FLVCR2: variants seen among roughly 807,000 people sequenced by gnomAD.
The protein encoded by FLVCR2 is choline/ethanolamine transporter FLVCR2.
A neutral mutation model predicts 48.9 loss-of-function variants in FLVCR2; 38 were observed. The ratio of observed to expected loss-of-function variants is 0.78; its 90% confidence interval spans 0.60 to 1.02. The LOEUF (loss-of-function observed/expected upper bound fraction) is 1.02, where lower values mean the gene tolerates loss of function less well. FLVCR2 is among the 50% of genes least tolerant of loss of function. The probability of loss-of-function intolerance (pLI) is 0.00; values close to 1 mark genes in which losing one functional copy is unlikely to be tolerated. For missense variants in FLVCR2, 664 were observed against 663.3 expected (o/e 1.00, Z -0.01); for synonymous variants, 255 against 257.0 (o/e 0.99, Z 0.07).
In FLVCR2 at chr14:75,579,161, C is replaced by T. The variant is rs755123639; in HGVS notation, c.189C>T (p.Gly63=). ...AHPSALAQPS[G]LAHPSSSGPE... is the part of the protein sequence containing the mutation. The stretch of plus-strand genomic sequence containing the variant: ...CCAGTGCCTTAGCCCAACCCAGTGG[C>T]TTGGCTCACCCCAGTAGCTCGGGCC... Residue 63 remains glycine (G), a synonymous_variant, in exon 1 of 10, where the codon GGC becomes GGT. Coordinates refer to ENST00000238667, the MANE Select transcript of FLVCR2 (RefSeq NM_017791.3). 5 of 1,614,072 alleles carry T rather than the reference C, an allele frequency of 3.1e-6. No homozygotes were observed. The highest frequency in any genetic ancestry group is 4.5e-5 in the East Asian group (2 of 44,744).
chr14:75,621,206 G>A (rs1889755930), intron 1 of FLVCR2, among the ~76,000 whole-genome samples: 1 of 152,112 alleles, frequency 6.6e-6, no homozygotes, highest in African/African-American at 2.4e-5. Context: ...GAGGTCAAGA[G>A]ATGGAGACCA....
At chr14:75,580,873 G>A (rs1451676477) in intron 1 of FLVCR2, among the ~76,000 whole-genome samples, 1 of 152,186 alleles carries the variant, frequency 6.6e-6, no homozygotes, top group African/African-American at 2.4e-5. Context: ...TGGATTGCCT[G>A]AAGCATGCAG....
intron 1 of FLVCR2, among the ~76,000 whole-genome samples, chr14:75,611,748 A>G (rs921186893): frequency 3.9e-5 from 6 of 152,048 alleles, no homozygotes; most frequent in Admixed American, 6.6e-5. Context: ...AAACAAACAA[A>G]CAAACAAACA....
At chr14:75,645,181 A>G (rs897719412) in intron 9 of FLVCR2, among the ~76,000 whole-genome samples, 1 of 152,050 alleles carries the variant, frequency 6.6e-6, no homozygotes, top group East Asian at 1.9e-4. Flanking sequence ...AGCAAGATTG[A>G]GAATGGGAAG....
intron 6 of FLVCR2, chr14:75,640,648 C>T (rs1227398645): frequency 4.7e-6 from 2 of 421,488 alleles, no homozygotes; most frequent in African/African-American, 4.1e-5. Context: ...GAAGGTTGAA[C>T]ACACCAGGCA....
chr14:75,598,524 C>T lies in FLVCR2; in HGVS notation c.669+18883C>T, dbSNP rs576005136. ...ACAGAGTCTTGCTCTGTTGCTCAGGCTGGAATGCAGTGGCACAGTCTCAGC... is the reference window on the plus strand; with the variant it reads ...ACAGAGTCTTGCTCTGTTGCTCAGGTTGGAATGCAGTGGCACAGTCTCAGC... On this transcript the variant is annotated intron_variant, in intron 1 of 9. Coordinates refer to ENST00000238667, the MANE Select transcript of FLVCR2 (RefSeq NM_017791.3). Among the ~76,000 whole-genome samples the T allele has an allele frequency of 5.9e-5, 9 of 152,294 alleles. No homozygotes were observed. In the South Asian group the frequency reaches 1.9e-3, roughly 32 times the overall value.
At chr14:75,593,462 C>T (rs774279349) in intron 1 of FLVCR2, among the ~76,000 whole-genome samples, 35 of 152,198 alleles carry the variant, frequency 2.3e-4, no homozygotes, top group Non-Finnish European at 4.0e-4. Flanking sequence ...TGCAAAGAGG[C>T]AAACCCAAGG....
In FLVCR2 at chr14:75,646,766, T is replaced by G. The variant is rs1890431106; in HGVS notation, c.*294T>G. The G allele has an allele frequency of 2.4e-6, 1 of 424,046 alleles. No individual in the cohort carries two copies. The highest frequency in any genetic ancestry group is 4.5e-6 in the Non-Finnish European group (1 of 224,526). 26.3% of individuals were successfully genotyped at this position (424,046 alleles called of 1,614,324 possible). On this transcript the variant is annotated 3_prime_UTR_variant, in exon 10 of 10. Transcript: ENST00000238667. ...AGAGAATATTGGAGTCAATCCTAGC[T>G]TGGTCTCTTGCCTTCCCTCTTTTCC...
intron 1 of FLVCR2, among the ~76,000 whole-genome samples, chr14:75,609,779 C>T (rs896306389): frequency 5.1e-4 from 77 of 152,144 alleles, no homozygotes; most frequent in Admixed American, 3.3e-4. Context: ...AAACATTGGT[C>T]GTCACGTGAG....
At chr14:75,633,050 C>G (rs1043644170) in intron 3 of FLVCR2, 9 of 682,540 alleles carry the variant, frequency 1.3e-5, no homozygotes, top group Non-Finnish European at 2.1e-5. Context: ...CTAGGTGCTC[C>G]TTTGGTGAAT....
chr14:75,602,350 C>G (rs1594797282), intron 1 of FLVCR2, among the ~76,000 whole-genome samples: 1 of 152,096 alleles, frequency 6.6e-6, no homozygotes, highest in Non-Finnish European at 1.5e-5. Context: ...CCTATGTTGC[C>G]TCATTAGCAT....
Position 75,578,996 on chromosome 14 carries a change from G to A in FLVCR2, c.24G>A (p.Gln8=). The A allele has an allele frequency of 6.2e-7, 1 of 1,614,136 alleles. No homozygotes were observed. Among genetic ancestry groups the A allele is most frequent in the Non-Finnish European group, 8.5e-7 (1 of 1,179,992 alleles). The part of the protein sequence containing the change: MVNEGPN[Q]EESDDTPVPE... The stretch of plus-strand genomic sequence containing the variant: ...CGATGGTGAATGAAGGTCCCAACCA[G>A]GAAGAGAGCGATGACACCCCTGTGC... Residue 8 remains glutamine, a synonymous_variant, in exon 1 of 10, where the codon CAG becomes CAA. Coordinates refer to ENST00000238667, the MANE Select transcript of FLVCR2 (RefSeq NM_017791.3).
intron 1 of FLVCR2, chr14:75,605,476 A>T (rs894618049): frequency 6.6e-7 from 1 of 1,516,852 alleles, no homozygotes; most frequent in African/African-American, 1.4e-5. Context: ...CTGCTTTCTG[A>T]CTTGATTACA....
At chr14:75,610,122 C>A (rs1194901413) in intron 1 of FLVCR2, among the ~76,000 whole-genome samples, 1 of 152,160 alleles carries the variant, frequency 6.6e-6, no homozygotes, top group African/African-American at 2.4e-5. Context: ...GAAAGACACC[C>A]ACTCATTTTT....
intron 1 of FLVCR2, among the ~76,000 whole-genome samples, chr14:75,603,695 G>C (rs891426217): frequency 1.3e-5 from 2 of 152,172 alleles, no homozygotes; most frequent in African/African-American, 4.8e-5. Flanking sequence ...ACACTCTGGA[G>C]CTTCAGGGGT....
chr14:75,641,444 T>C, intron 8 of FLVCR2, 151 bp downstream of exon 8: 4 of 703,792 alleles, frequency 5.7e-6, no homozygotes, highest in Non-Finnish European at 1.0e-5. Context: ...ATTGTTTTGG[T>C]AGAATGAGCA....
At chr14:75,603,622 G>A (rs1889218690) in intron 1 of FLVCR2, among the ~76,000 whole-genome samples, 1 of 152,202 alleles carries the variant, frequency 6.6e-6, no homozygotes, top group East Asian at 1.9e-4. Flanking sequence ...CTGCCCTCAT[G>A]AAAAGGCAGA....
chr14:75,644,289 C>T (rs10150189), intron 9 of FLVCR2, among the ~76,000 whole-genome samples: 137,549 of 152,292 alleles, frequency 0.9, 62,225 homozygotes, highest in East Asian at 0.95. Context: ...GACATGCTTG[C>T]GTATATTTTG....
chr14:75,646,512 C>T lies in FLVCR2; in HGVS notation c.*40C>T, dbSNP rs113982903. The stretch of plus-strand genomic sequence containing the variant: ...CAACTCAGGGAACACGAACACCCCA[C>T]CTTTTCCTTCAGCACAGCTCTCACC... On this transcript the variant is annotated 3_prime_UTR_variant, in exon 10 of 10. Transcript: ENST00000238667. The T allele has an allele frequency of 3.5e-6, 5 of 1,425,532 alleles. No homozygotes were observed. The highest frequency in any genetic ancestry group is 1.4e-5 in the African/African-American group (1 of 71,274). 88.3% of individuals were successfully genotyped at this position (1,425,532 alleles called of 1,614,324 possible).
Sources: allele counts gnomAD v4.1 joint callset (sites outside exome capture counted in the v4.1 genomes callset), GRCh38; gene constraint gnomAD v4.1.1; transcripts MANE v1.5; gene names NCBI Gene and HGNC (gene_info 2026-07-23, HGNC 2026-07-21).